Variants in TARS3 observed in about 807,000 individuals in gnomAD.
TARS3 encodes the protein threonyl-tRNA synthetase 3, also known as threonine--tRNA ligase 2, cytoplasmic.
In TARS3, 94 loss-of-function variants were observed where a neutral mutation model predicts 103.5. The ratio of observed to expected loss-of-function variants is 0.91; its 90% CI spans 0.77 to 1.08. The LOEUF is 1.08. TARS3 is among the 50% of genes least tolerant of loss of function. TARS3 has a pLI of 0.00. For synonymous variants in TARS3, 416 were observed against 355.4 expected (o/e 1.17, Z -1.92); for missense variants, 952 against 995.2 (o/e 0.96, Z 0.58).
At chr15:101,676,025 G>A (rs1260411037) in intron 12 of TARS3, among the ~76,000 whole-genome samples, 1 of 152,214 alleles carries the variant, frequency 6.6e-6, no homozygotes, top group Non-Finnish European at 1.5e-5. Flanking sequence ...CTGAGCTGCA[G>A]CAGGGGACAA....
At chr15:101,666,452 G>C (rs1316899397) in intron 15 of TARS3, among the ~76,000 whole-genome samples, 1 of 142,472 alleles carries the variant, frequency 7.0e-6, no homozygotes, top group Non-Finnish European at 1.5e-5. Context: ...CTCCAGCCTG[G>C]GCAACAGAGC....
At chr15:101,677,627 T>C (rs140432971) in intron 12 of TARS3, among the ~76,000 whole-genome samples, 14 of 152,150 alleles carry the variant, frequency 9.2e-5, no homozygotes, top group African/African-American at 2.4e-4. Context: ...GCCTCCTGAG[T>C]AGCTGGGATT....
At chr15:101,694,782 T>TA (rs1354424555) in intron 10 of TARS3, among the ~76,000 whole-genome samples, 1 of 152,202 alleles carries the variant, frequency 6.6e-6, no homozygotes, top group Non-Finnish European at 1.5e-5. Flanking sequence ...TTTAAAAAGA[T>TA]AGTTTTATTA....
chr15:101,724,244 C>T lies in TARS3; in HGVS notation c.144G>A (p.Pro48=), dbSNP rs981531983. The change falls in exon 1 of 19, where the codon CCG becomes CCA. Residue 48 remains proline (P), a synonymous_variant. Transcript: ENST00000335968. ...GCTGCGCCACCTCCCGCGTGAGGCA[C>T]GGCCCCTCCGCCTGGCAGCTGTAGG... is the stretch of plus-strand genomic sequence containing the variant. ...NAPYSCQAEG[P]CLTREVAQLR... 37 of 1,555,756 alleles carry T rather than the reference C, an allele frequency of 2.4e-5. No individual in the cohort carries two copies. The highest frequency in any genetic ancestry group is 2.9e-5 in the Non-Finnish European group (34 of 1,158,062).
chr15:101,704,212 T>C (rs1320495413), intron 7 of TARS3, among the ~76,000 whole-genome samples: 1 of 152,200 alleles, frequency 6.6e-6, no homozygotes, highest in African/African-American at 2.4e-5. Context: ...AGGGACTGGC[T>C]TACAGAGTGG....
At chr15:101,706,116 A>G (rs1386370859) in intron 6 of TARS3, among the ~76,000 whole-genome samples, 1 of 152,104 alleles carries the variant, frequency 6.6e-6, no homozygotes, top group Non-Finnish European at 1.5e-5. Context: ...ATGTACCACC[A>G]TGCCTGTATT....
intron 3 of TARS3, among the ~76,000 whole-genome samples, chr15:101,716,771 C>T (rs1900177257): frequency 6.6e-6 from 1 of 152,050 alleles, no homozygotes; most frequent in South Asian, 2.1e-4. Flanking sequence ...GCAAAATTTT[C>T]CTACTAGCAG....
intron 3 of TARS3, among the ~76,000 whole-genome samples, chr15:101,718,269 G>A (rs998203476): frequency 6.6e-6 from 1 of 152,096 alleles, no homozygotes; most frequent in Admixed American, 6.5e-5. Context: ...TCGGGAGGCT[G>A]AGGCAGGAGA....
chr15:101,676,015 C>G (rs936094818), intron 12 of TARS3, among the ~76,000 whole-genome samples: 9 of 152,184 alleles, frequency 5.9e-5, no homozygotes, highest in African/African-American at 1.2e-4. Flanking sequence ...GGAAGTGAGA[C>G]TGAGCTGCAG....
chr15:101,668,874 A>G (rs1897686971), intron 15 of TARS3, among the ~76,000 whole-genome samples: 2 of 152,228 alleles, frequency 1.3e-5, no homozygotes. Flanking sequence ...GACAGTGCAT[A>G]CAATTATGTA....
chr15:101,666,451 G>C (rs1405756332), intron 15 of TARS3, among the ~76,000 whole-genome samples: 1 of 144,494 alleles, frequency 6.9e-6, no homozygotes, highest in Non-Finnish European at 1.5e-5. Flanking sequence ...ACTCCAGCCT[G>C]GGCAACAGAG....
intron 4 of TARS3, among the ~76,000 whole-genome samples, 183 bp from the exon 5 acceptor site, chr15:101,712,184 C>G (rs779369506): frequency 1.8e-4 from 28 of 152,322 alleles, no homozygotes; most frequent in Non-Finnish European, 3.4e-4. Flanking sequence ...TGAGCCCTCC[C>G]TGACATTCCA....
intron 9 of TARS3, 128 bp downstream of exon 9, chr15:101,702,111 G>T: frequency 1.9e-6 from 2 of 1,058,186 alleles, no homozygotes; most frequent in Admixed American, 2.0e-5. Context: ...GCAGCGGACT[G>T]TGAGTGCCAG....
chr15:101,676,426 G>A (rs1359320200), intron 12 of TARS3, among the ~76,000 whole-genome samples: 1 of 152,176 alleles, frequency 6.6e-6, no homozygotes, highest in Non-Finnish European at 1.5e-5. Flanking sequence ...CCAGAGAGAG[G>A]CAGCTGAAAT....
intron 5 of TARS3, among the ~76,000 whole-genome samples, chr15:101,709,185 A>G (rs986970007): frequency 6.6e-6 from 1 of 152,188 alleles, no homozygotes; most frequent in Non-Finnish European, 1.5e-5. Flanking sequence ...AGCTCCTCTG[A>G]GGCCTGTTCT....
intron 15 of TARS3, among the ~76,000 whole-genome samples, chr15:101,668,817 G>A (rs1001802153): frequency 2.6e-5 from 4 of 152,126 alleles, no homozygotes; most frequent in African/African-American, 9.7e-5. Context: ...GGTGTTTGTG[G>A]TGAGGCTGGT....
chr15:101,666,325 G>C (rs761343788), intron 15 of TARS3, among the ~76,000 whole-genome samples: 15 of 151,436 alleles, frequency 9.9e-5, no homozygotes, highest in Non-Finnish European at 2.1e-4. Context: ...AAAATACAAA[G>C]TTTAGCCAGG....
At chr15:101,660,300 G>C (rs370399170) in intron 16 of TARS3, among the ~76,000 whole-genome samples, 1 of 152,286 alleles carries the variant, frequency 6.6e-6, no homozygotes. Context: ...GGTGGTTGCT[G>C]GTTTGCAGCA....
intron 4 of TARS3, among the ~76,000 whole-genome samples, chr15:101,713,325 G>T (rs1391365218): frequency 6.6e-6 from 1 of 152,122 alleles, no homozygotes; most frequent in Non-Finnish European, 1.5e-5. Context: ...GGTAAGGAAG[G>T]GCCAGAGACC....
Sources: gnomAD v4.1 joint callset for allele counts (sites outside exome capture counted in the v4.1 genomes callset) on GRCh38, gnomAD v4.1.1 for gene constraint, MANE v1.5 for transcripts, NCBI Gene and HGNC (gene_info 2026-07-23, HGNC 2026-07-21) for gene names.